SAMD3: variants seen among roughly 807,000 people sequenced by gnomAD.
SAMD3 encodes the protein sterile alpha motif domain containing 3.
Under a neutral mutation model 58.5 loss-of-function variants are expected in SAMD3, and 63 were observed. The ratio of observed to expected loss-of-function variants is 1.08; its 90% CI spans 0.88 to 1.33. The LOEUF is 1.33. Among genes scored for constraint, SAMD3 ranks in the 40% most tolerant of loss-of-function variants. The pLI is 0.00. For synonymous variants in SAMD3, 220 were observed against 210.3 expected (o/e 1.05, Z -0.40); for missense variants, 604 against 608.4 (o/e 0.99, Z 0.08).
At chr6:130,175,757 T>A (rs2114668902) in intron 8 of SAMD3, 84 bp downstream of exon 8, 1 of 899,142 alleles carries the variant, frequency 1.1e-6, no homozygotes, top group East Asian at 2.6e-5. Context: ...TTTGTTTTAA[T>A]TATTTTAAAT....
intron 5 of SAMD3, among the ~76,000 whole-genome samples, chr6:130,185,479 C>T (rs1298859148): frequency 6.6e-6 from 1 of 152,046 alleles, no homozygotes; most frequent in Non-Finnish European, 1.5e-5. Context: ...CAGGCATGTG[C>T]CACCACACCT....
intron 1 of SAMD3, among the ~76,000 whole-genome samples, chr6:130,219,368 C>A (rs1316252623): frequency 6.6e-6 from 1 of 151,862 alleles, no homozygotes; most frequent in Non-Finnish European, 1.5e-5. Flanking sequence ...TATTGGGGAA[C>A]AAGTGGTGTT....
At chr6:130,346,781 C>G (rs1371083334) in intron 1 of SAMD3, among the ~76,000 whole-genome samples, 1 of 152,208 alleles carries the variant, frequency 6.6e-6, no homozygotes, top group Non-Finnish European at 1.5e-5. Flanking sequence ...AGACTGTCTC[C>G]TCAAGTGGGT....
Position 130,343,802 on chromosome 6 carries a change from T to C in SAMD3, c.-304+21318A>G, listed in dbSNP as rs182722449. ...CAACATGGCGAAACCCTGTCTCTAC[T>C]AAAAATACAAAAATTAACCGGGCAT... On this transcript the variant is annotated intron_variant, in intron 1 of 13. Coordinates refer to the SAMD3 transcript ENST00000368134. Among the ~76,000 whole-genome samples the C allele has an allele frequency of 1.5e-3, 232 of 152,188 alleles. 5 individuals are homozygous for C. In the East Asian group the frequency reaches 0.032, roughly 21 times the overall value.
At chr6:130,334,384 G>A (rs1014360457) in intron 1 of SAMD3, among the ~76,000 whole-genome samples, 1 of 146,048 alleles carries the variant, frequency 6.8e-6, no homozygotes, top group African/African-American at 2.7e-5. Flanking sequence ...CACGGCATTG[G>A]GTTTTGGTCT....
At chr6:130,337,257 A>T (rs1367264952) in intron 1 of SAMD3, among the ~76,000 whole-genome samples, 1 of 152,146 alleles carries the variant, frequency 6.6e-6, no homozygotes, top group Non-Finnish European at 1.5e-5. Context: ...AGTGTTTGAC[A>T]GTTCCTCCTG....
At chr6:130,325,773 T>G (rs777101001) in intron 1 of SAMD3, among the ~76,000 whole-genome samples, 7 of 152,212 alleles carry the variant, frequency 4.6e-5, no homozygotes, top group Admixed American at 1.3e-4. Flanking sequence ...ATGTCATGGT[T>G]CGAGTGTTTT....
At chr6:130,192,384 T>C (rs926996055) in intron 5 of SAMD3, among the ~76,000 whole-genome samples, 1 of 152,204 alleles carries the variant, frequency 6.6e-6, no homozygotes, top group African/African-American at 2.4e-5. Context: ...ATGGCCGGTT[T>C]CTGCCTTAAC....
intron 2 of SAMD3, among the ~76,000 whole-genome samples, chr6:130,311,082 G>A (rs1232418213): frequency 2.6e-5 from 4 of 152,184 alleles, no homozygotes; most frequent in Non-Finnish European, 5.9e-5. Context: ...CCCTGACAAA[G>A]AACCACACAT....
Position 130,263,601 on chromosome 6 carries a change from T to A in SAMD3, c.-187-40788A>T, listed in dbSNP as rs533424877. ...GCTAAGAAAAATTTAACTCGTTTCA[T>A]CTACGCTATTACTCTTTCTTCTTTC... On this transcript the variant is annotated intron_variant, in intron 2 of 13. Transcript: ENST00000368134. 1.0e-3 allele frequency among the ~76,000 whole-genome samples: 154 copies of A among 152,340 alleles called. 1 individual carries two copies. Among genetic ancestry groups the A allele is most frequent in the African/African-American group, 3.5e-3 (145 of 41,572 alleles).
intron 5 of SAMD3, among the ~76,000 whole-genome samples, chr6:130,201,999 A>G (rs1007977753): frequency 6.6e-6 from 1 of 152,234 alleles, no homozygotes; most frequent in East Asian, 1.9e-4. Context: ...GGAAAGGAAT[A>G]AAGTATCCAT....
intron 1 of SAMD3, among the ~76,000 whole-genome samples, chr6:130,317,581 G>A (rs9492543): frequency 0.38 from 57,916 of 151,752 alleles, 11,561 homozygotes; most frequent in African/African-American, 0.5. Flanking sequence ...TGGACTTAAA[G>A]GATGAGTTGT....
chr6:130,154,718 AATATATATAT>A lies in SAMD3; in HGVS notation c.1023+97_1023+106del, dbSNP rs147697847. The A allele has an allele frequency of 5.7e-4, 41 of 72,504 alleles. 1 individual carries two copies. The highest frequency in any genetic ancestry group is 6.5e-4 in the Admixed American group (4 of 6,178). 4.5% of individuals were successfully genotyped at this position (72,504 alleles called of 1,614,324 possible). On this transcript the variant is annotated intron_variant, in intron 9 of 11. Transcript: ENST00000439090. ...CTGAAAAAAAAAAAAAAAAAAAAAA[AATATATATAT>A]ATATATATATATATGTATGTATATA... is the stretch of plus-strand genomic sequence containing the variant.
At chr6:130,280,637 T>C (rs952406922) in intron 2 of SAMD3, among the ~76,000 whole-genome samples, 1 of 152,212 alleles carries the variant, frequency 6.6e-6, no homozygotes, top group African/African-American at 2.4e-5. Context: ...CTGTACCCAT[T>C]TGGCCATTGT....
intron 2 of SAMD3, among the ~76,000 whole-genome samples, chr6:130,312,293 T>A (rs565799172): frequency 6.6e-6 from 1 of 152,218 alleles, no homozygotes; most frequent in South Asian, 2.1e-4. Context: ...AAGGCTTTTA[T>A]CAAAAAGCAG....
intron 5 of SAMD3, among the ~76,000 whole-genome samples, chr6:130,199,798 G>A (rs1932116): frequency 0.021 from 3,120 of 152,052 alleles, 103 homozygotes; most frequent in African/African-American, 0.071. Flanking sequence ...GGTACCCACC[G>A]TGAATTCTGA....
intron 2 of SAMD3, among the ~76,000 whole-genome samples, chr6:130,310,304 G>T (rs1007856297): frequency 2.0e-5 from 3 of 152,126 alleles, no homozygotes; most frequent in Non-Finnish European, 4.4e-5. Flanking sequence ...CTTTTGAGAA[G>T]ATTTCATTTC....
intron 8 of SAMD3, among the ~76,000 whole-genome samples, chr6:130,162,470 A>G (rs985663051): frequency 6.6e-6 from 1 of 152,172 alleles, no homozygotes; most frequent in Non-Finnish European, 1.5e-5. Flanking sequence ...AAAGTTTACA[A>G]AGAGAGTATC....
intron 5 of SAMD3, among the ~76,000 whole-genome samples, chr6:130,195,560 AC>A (rs960190572): frequency 1.8e-4 from 28 of 152,160 alleles, no homozygotes; most frequent in Admixed American, 1.8e-3. Flanking sequence ...ACCTCCCTCT[AC>A]AACCCATTAT....
Sources: allele counts gnomAD v4.1 joint callset (sites outside exome capture counted in the v4.1 genomes callset), GRCh38; gene constraint gnomAD v4.1.1; transcripts MANE v1.5; gene names NCBI Gene and HGNC (gene_info 2026-07-23, HGNC 2026-07-21).